Variants in CNTLN observed in about 807,000 individuals in gnomAD.
The protein encoded by CNTLN is centlein, centrosomal protein.
Under a neutral mutation model 180.0 loss-of-function variants are expected in CNTLN, and 212 were observed. That is an observed-to-expected ratio of 1.18 (90% CI 1.05 to 1.32). The LOEUF (loss-of-function observed/expected upper bound fraction) is 1.32. Ranked by LOEUF, CNTLN falls within the 40% of genes most tolerant of loss-of-function variation. The probability of loss-of-function intolerance (pLI) is 0.00; values close to 1 mark genes in which losing one functional copy is unlikely to be tolerated. For synonymous variants in CNTLN, 722 were observed against 563.1 expected (o/e 1.28, Z -3.99); for missense variants, 2,095 against 1,610.9 (o/e 1.30, Z -5.14).
rs544887126 is a variant in CNTLN at position 17,385,025 on chromosome 9, G to T, written c.1988-3137G>T. On this transcript the variant is annotated intron_variant, in intron 13 of 25. Transcript: ENST00000380647. The stretch of plus-strand genomic sequence containing the variant: ...TCTGACCAACTGAGTTTAAATTGGG[G>T]GTTCCCAGGAGCCCTTCCTCAGATT... Among the ~76,000 whole-genome samples the T allele has an allele frequency of 2.5e-4, 38 of 152,222 alleles. No individual in the cohort carries two copies. In the East Asian group the frequency reaches 4.8e-3, roughly 19 times the overall value.
chr9:17,449,275 C>A (rs375427561), intron 18 of CNTLN, among the ~76,000 whole-genome samples: 1 of 151,878 alleles, frequency 6.6e-6, no homozygotes, highest in Non-Finnish European at 1.5e-5. Context: ...CCTCCTCCCC[C>A]CACCCCACAA....
intron 13 of CNTLN, among the ~76,000 whole-genome samples, chr9:17,367,397 A>C (rs1419506509): frequency 2.0e-5 from 2 of 97,794 alleles, no homozygotes; most frequent in Non-Finnish European, 4.9e-5. Context: ...GCTCTATATA[A>C]ACTTAAAAGA....
In CNTLN at chr9:17,298,904, G is replaced by A. The variant is rs564540470; in HGVS notation, c.1146+552G>A. On this transcript the variant is annotated intron_variant, in intron 7 of 25. Transcript: ENST00000380647. ...AGAAGGTTTACCCAAGTATTTAGGT[G>A]TGCTAACTGACTCAGCAGCAATAAT... 2.1e-4 allele frequency: 207 copies of A among 985,284 alleles called. 2 individuals are homozygous for A. In the South Asian group the frequency reaches 7.8e-3, roughly 37 times the overall value. The allele number at this position is 985,284 out of a possible 1,614,324, so 61.0% of individuals were successfully genotyped here.
intron 23 of CNTLN, among the ~76,000 whole-genome samples, chr9:17,472,051 T>C (rs1832067591): frequency 6.6e-6 from 1 of 152,076 alleles, no homozygotes; most frequent in Non-Finnish European, 1.5e-5. Flanking sequence ...TGATCATTCA[T>C]GCATTATGAA....
At chr9:17,524,372 G>A in the CNTLN span, among the ~76,000 whole-genome samples, 1 of 152,194 alleles carries the variant, frequency 6.6e-6, no homozygotes, top group Admixed American at 6.5e-5. Flanking sequence ...TGATGTCCCA[G>A]CTCAAGGCTG....
At chr9:17,348,090 C>T in intron 12 of CNTLN, among the ~76,000 whole-genome samples, 1 of 152,100 alleles carries the variant, frequency 6.6e-6, no homozygotes, top group East Asian at 1.9e-4. Flanking sequence ...CTCCACCTCC[C>T]AAAGTGCTGG....
intron 13 of CNTLN, among the ~76,000 whole-genome samples, chr9:17,381,931 G>C (rs549153692): frequency 1.3e-5 from 2 of 152,142 alleles, no homozygotes; most frequent in African/African-American, 4.8e-5. Context: ...AATTTCTTGA[G>C]TTCTAGGCTC....
At chr9:17,284,486 G>C (rs1828856743) in intron 6 of CNTLN, among the ~76,000 whole-genome samples, 1 of 151,986 alleles carries the variant, frequency 6.6e-6, no homozygotes. Flanking sequence ...GCTCAGTTTT[G>C]GGAGGGTGTA....
intron 16 of CNTLN, among the ~76,000 whole-genome samples, chr9:17,414,993 T>G (rs1338649155): frequency 6.6e-6 from 1 of 151,666 alleles, no homozygotes; most frequent in African/African-American, 2.4e-5. Context: ...GGCTGAGGCA[T>G]GAGAATTGCT....
chr9:17,374,502 T>G (rs1824591650), intron 13 of CNTLN, among the ~76,000 whole-genome samples: 1 of 152,168 alleles, frequency 6.6e-6, no homozygotes, highest in African/African-American at 2.4e-5. Context: ...GGAACTCTCA[T>G]ATATTCTTGG....
intron 3 of CNTLN, among the ~76,000 whole-genome samples, chr9:17,232,248 A>G (rs1157437412): frequency 6.6e-6 from 1 of 151,920 alleles, no homozygotes; most frequent in African/African-American, 2.4e-5. Context: ...ATTTTCTTTA[A>G]TGATTTTGTG....
the CNTLN span, among the ~76,000 whole-genome samples, chr9:17,524,967 A>G: frequency 6.6e-6 from 1 of 152,246 alleles, no homozygotes; most frequent in Non-Finnish European, 1.5e-5. Context: ...GAATATCAAA[A>G]TCAGTTAAGA....
At chr9:17,190,112 T>G (rs1037739057) in intron 2 of CNTLN, among the ~76,000 whole-genome samples, 2 of 149,942 alleles carry the variant, frequency 1.3e-5, no homozygotes, top group African/African-American at 4.9e-5. Flanking sequence ...CCAGAGCTGT[T>G]TGGGTCTCTT....
intron 5 of CNTLN, among the ~76,000 whole-genome samples, chr9:17,248,469 C>A (rs1825934708): frequency 6.7e-6 from 1 of 150,242 alleles, no homozygotes; most frequent in Admixed American, 6.6e-5. Context: ...GTGTTTCTAG[C>A]TATTTGTCCA....
intron 2 of CNTLN, among the ~76,000 whole-genome samples, chr9:17,148,219 T>C (rs1431878442): frequency 6.6e-6 from 1 of 152,222 alleles, no homozygotes; most frequent in Non-Finnish European, 1.5e-5. Context: ...AAGCAAATCC[T>C]AGATATCATG....
intron 13 of CNTLN, among the ~76,000 whole-genome samples, chr9:17,384,008 A>G (rs1825480723): frequency 6.6e-6 from 1 of 152,238 alleles, no homozygotes; most frequent in African/African-American, 2.4e-5. Context: ...AATTCATTTA[A>G]ATATAAAGAT....
chr9:17,315,853 T>C (rs937539706), intron 8 of CNTLN, among the ~76,000 whole-genome samples: 9 of 152,036 alleles, frequency 5.9e-5, no homozygotes, highest in African/African-American at 9.6e-5. Context: ...TATTGTTGTT[T>C]AGGTCTTTAT....
Position 17,416,057 on chromosome 9 carries a change from A to G in CNTLN, c.2982A>G (p.Gln994=). Residue 994 remains glutamine (Q), a synonymous_variant, in exon 18 of 26, where the codon CAA becomes CAG. Coordinates refer to ENST00000380647, the MANE Select transcript of CNTLN (RefSeq NM_017738.4). Reference sequence around the variant, plus strand: ...AACGGATTATATCCTTGCAACAACAAAACAGTGTACTTCAGAATGCCAAGA... The same window carrying G: ...AACGGATTATATCCTTGCAACAACAGAACAGTGTACTTCAGAATGCCAAGA... ...LRERIISLQQ[Q]NSVLQNAKKT... is the part of the protein sequence containing the mutation. The G allele has an allele frequency of 2.5e-6, 4 of 1,613,706 alleles. No individual in the cohort carries two copies. The highest frequency in any genetic ancestry group is 3.4e-6 in the Non-Finnish European group (4 of 1,179,756).
intron 13 of CNTLN, among the ~76,000 whole-genome samples, chr9:17,384,543 C>G (rs1269431558): frequency 6.6e-6 from 1 of 152,024 alleles, no homozygotes; most frequent in Non-Finnish European, 1.5e-5. Flanking sequence ...AAATTCTCTC[C>G]TACTCATCAG....
Sources: gnomAD v4.1 joint callset for allele counts (sites outside exome capture counted in the v4.1 genomes callset) on GRCh38, gnomAD v4.1.1 for gene constraint, MANE v1.5 for transcripts, NCBI Gene and HGNC (gene_info 2026-07-23, HGNC 2026-07-21) for gene names.